MBD5: variants seen among roughly 807,000 people sequenced by gnomAD.
MBD5 encodes methyl-CpG-binding domain protein 5.
In MBD5, 13 loss-of-function variants were observed where a neutral mutation model predicts 117.3. That is an observed-to-expected ratio of 0.11 (90% confidence interval 0.07 to 0.18). The LOEUF is 0.18. Ranked by LOEUF, MBD5 falls within the 10% of genes least tolerant of loss-of-function variation. The probability of loss-of-function intolerance (pLI) is 1.00; values close to 1 mark genes in which losing one functional copy is unlikely to be tolerated. For synonymous variants in MBD5, 727 were observed against 766.4 expected (o/e 0.95, Z 0.85); for missense variants, 1,879 against 2,093.8 (o/e 0.90, Z 2.00).
rs575739643 is a variant in MBD5, at chr2:148,094,535, G to A, written c.-925+72851G>A. On this transcript the variant is annotated intron_variant, in intron 1 of 13. Transcript: ENST00000642680. Reference sequence around the variant, plus strand: ...GAGAAGTTATCATAGAAGACTTGAGGAAATCATTTTCATAGGTACCCTTTA... The same window carrying A: ...GAGAAGTTATCATAGAAGACTTGAGAAAATCATTTTCATAGGTACCCTTTA... Among the ~76,000 whole-genome samples the A allele has an allele frequency of 5.3e-5, 8 of 152,214 alleles. No homozygotes were observed. The East Asian group carries it at 1.5e-3, about 29-fold the overall frequency.
chr2:148,037,680 T>A (rs967871888), intron 1 of MBD5, among the ~76,000 whole-genome samples: 4 of 151,920 alleles, frequency 2.6e-5, no homozygotes, highest in African/African-American at 9.7e-5. Context: ...TAAATGCAGT[T>A]AGGAAAAATG....
At position 148,200,373 on chromosome 2, in the gene MBD5, C is replaced by G. The variant is rs79420989; in HGVS notation, c.-831+21580C>G. On this transcript the variant is annotated intron_variant, in intron 2 of 13. Transcript: ENST00000642680. ...GTAGCACTTAAAAGCAAGTCTAATT[C>G]AGACTTAAGTTGTTTTTGAACAGAA... Among the ~76,000 whole-genome samples the G allele has an allele frequency of 9.6e-3, 1,457 of 152,230 alleles. 30 individuals are homozygous for G. Among genetic ancestry groups the G allele is most frequent in the African/African-American group, 0.033 (1,375 of 41,534 alleles).
chr2:148,351,524 G>A (rs1483730087), intron 4 of MBD5, among the ~76,000 whole-genome samples: 1 of 151,824 alleles, frequency 6.6e-6, no homozygotes, highest in Non-Finnish European at 1.5e-5. Context: ...ATGGACATTT[G>A]GGTTGTTTCC....
At chr2:148,509,922 G>C in intron 12 of MBD5, 138 bp from the exon 13 acceptor site, 3 of 693,452 alleles carry the variant, frequency 4.3e-6, no homozygotes, top group Non-Finnish European at 7.9e-6. Context: ...GTGATGTTTT[G>C]TCATCTGAAT....
chr2:148,030,691 A>G (rs1694015049), intron 1 of MBD5, among the ~76,000 whole-genome samples: 2 of 152,134 alleles, frequency 1.3e-5, no homozygotes, highest in Admixed American at 6.5e-5. Flanking sequence ...CATTACTTGG[A>G]TTTATTTGTA....
At chr2:148,398,649 T>G (rs1704815359) in intron 4 of MBD5, among the ~76,000 whole-genome samples, 2 of 152,304 alleles carry the variant, frequency 1.3e-5, no homozygotes, top group South Asian at 4.1e-4. Flanking sequence ...ACAAGCTCTT[T>G]AGTTTAATTA....
At chr2:148,236,260 G>A (rs1238801844) in intron 3 of MBD5, among the ~76,000 whole-genome samples, 1 of 152,072 alleles carries the variant, frequency 6.6e-6, no homozygotes, top group African/African-American at 2.4e-5. Flanking sequence ...AAGTAAATTG[G>A]TTTTCAATTT....
chr2:148,449,699 C>T (rs1340341605), intron 4 of MBD5, among the ~76,000 whole-genome samples: 4 of 151,730 alleles, frequency 2.6e-5, no homozygotes, highest in African/African-American at 7.3e-5. Flanking sequence ...GTATTCTTTC[C>T]GACTCTCCAT....
At chr2:148,435,131 C>G (rs568757905) in intron 4 of MBD5, among the ~76,000 whole-genome samples, 1 of 152,068 alleles carries the variant, frequency 6.6e-6, no homozygotes, top group African/African-American at 2.4e-5. Context: ...TTTCTCCATC[C>G]CTTTACTTTG....
At chr2:148,295,199 T>C (rs535145940) in intron 3 of MBD5, among the ~76,000 whole-genome samples, 1 of 152,318 alleles carries the variant, frequency 6.6e-6, no homozygotes. Context: ...TTTCATGGTG[T>C]CCCACATTTC....
intron 3 of MBD5, chr2:148,295,552 C>G (rs1701628205): frequency 6.6e-6 from 1 of 152,288 alleles, no homozygotes; most frequent in African/African-American, 2.4e-5. Context: ...CTCACAGTCT[C>G]CACTCAGTTC....
chr2:148,510,713 A>G (rs151029352), intron 13 of MBD5, among the ~76,000 whole-genome samples: 90 of 152,336 alleles, frequency 5.9e-4, no homozygotes, highest in Middle Eastern at 3.4e-3. Flanking sequence ...AATTTCTTTT[A>G]TTTGACCTTA....
intron 1 of MBD5, among the ~76,000 whole-genome samples, chr2:148,115,826 C>T (rs1025307909): frequency 1.3e-5 from 2 of 151,860 alleles, no homozygotes; most frequent in African/African-American, 4.8e-5. Flanking sequence ...TTCCAGAGAT[C>T]TTATCATTTT....
chr2:148,357,672 A>G (rs1179736521), intron 4 of MBD5, among the ~76,000 whole-genome samples: 1 of 151,704 alleles, frequency 6.6e-6, no homozygotes, highest in East Asian at 1.9e-4. Flanking sequence ...TTATTATTCT[A>G]TGATGGTCCA....
chr2:148,133,214 A>C (rs1414785639), intron 1 of MBD5, among the ~76,000 whole-genome samples: 1 of 152,180 alleles, frequency 6.6e-6, no homozygotes, highest in East Asian at 1.9e-4. Flanking sequence ...TAGTAGTTTA[A>C]TTTCTTAAAA....
chr2:148,053,081 A>G (rs1298446023), intron 1 of MBD5, among the ~76,000 whole-genome samples: 1 of 151,238 alleles, frequency 6.6e-6, no homozygotes, highest in Non-Finnish European at 1.5e-5. Context: ...CTCATCTTCT[A>G]TTTAGATTTG....
intron 3 of MBD5, among the ~76,000 whole-genome samples, chr2:148,329,648 G>T (rs1156373523): frequency 6.6e-6 from 1 of 152,072 alleles, no homozygotes; most frequent in Non-Finnish European, 1.5e-5. Context: ...AGGGATACTA[G>T]CTTAACCTTT....
intron 1 of MBD5, among the ~76,000 whole-genome samples, chr2:148,048,309 C>T (rs1005371562): frequency 1.3e-5 from 2 of 151,878 alleles, no homozygotes; most frequent in African/African-American, 2.4e-5. Context: ...TTTTTGGTTT[C>T]CCACCCATTT....
intron 3 of MBD5, among the ~76,000 whole-genome samples, chr2:148,255,518 A>C (rs1199664499): frequency 6.6e-6 from 1 of 152,190 alleles, no homozygotes; most frequent in Non-Finnish European, 1.5e-5. Flanking sequence ...TGGAGGGTCC[A>C]TGGCCACAAC....
Sources: gnomAD v4.1 joint callset for allele counts (sites outside exome capture counted in the v4.1 genomes callset) on GRCh38, gnomAD v4.1.1 for gene constraint, MANE v1.5 for transcripts, NCBI Gene and HGNC (gene_info 2026-07-23, HGNC 2026-07-21) for gene names.